VPS13B: variants seen among roughly 807,000 people sequenced by gnomAD.
The protein encoded by VPS13B is intermembrane lipid transfer protein VPS13B.
A neutral mutation model predicts 426.4 loss-of-function variants in VPS13B; 285 were observed. The ratio of observed to expected loss-of-function variants is 0.67; its 90% confidence interval spans 0.61 to 0.74. The LOEUF is 0.74. Ranked by LOEUF, VPS13B falls within the 30% of genes least tolerant of loss-of-function variation. VPS13B has a pLI of 0.00. For synonymous variants in VPS13B, 1,676 were observed against 1,676.4 expected (o/e 1.00, Z 0.01); for missense variants, 4,537 against 4,782.6 (o/e 0.95, Z 1.51).
intron 35 of VPS13B, among the ~76,000 whole-genome samples, chr8:99,678,815 A>G (rs555316705): frequency 6.6e-6 from 1 of 152,318 alleles, no homozygotes; most frequent in South Asian, 2.1e-4. Context: ...AGTATTGCTC[A>G]TTCAAAAAAG....
intron 19 of VPS13B, among the ~76,000 whole-genome samples, chr8:99,375,815 T>C (rs1813453285): frequency 6.6e-6 from 1 of 152,242 alleles, no homozygotes; most frequent in African/African-American, 2.4e-5. Flanking sequence ...AATAGTGAGT[T>C]TTAACAACTT....
At chr8:99,014,072 G>C in intron 2 of VPS13B, 137 bp downstream of exon 2, 1 of 916,592 alleles carries the variant, frequency 1.1e-6, no homozygotes, top group Non-Finnish European at 1.7e-6. Flanking sequence ...CCTGAAACAA[G>C]GGGGCTTTAT....
At chr8:99,148,516 A>G (rs1810873566) in intron 14 of VPS13B, among the ~76,000 whole-genome samples, 1 of 152,156 alleles carries the variant, frequency 6.6e-6, no homozygotes, top group Non-Finnish European at 1.5e-5. Context: ...TAATCTTGAG[A>G]GTGTATAAAG....
chr8:99,227,308 G>A (rs1300465606), intron 17 of VPS13B, among the ~76,000 whole-genome samples: 3 of 152,038 alleles, frequency 2.0e-5, no homozygotes, highest in Non-Finnish European at 4.4e-5. Flanking sequence ...AAATCGATTT[G>A]TCAAGAACTC....
intron 56 of VPS13B, among the ~76,000 whole-genome samples, chr8:99,855,356 G>A (rs183588014): frequency 2.2e-4 from 34 of 152,218 alleles, no homozygotes; most frequent in East Asian, 1.5e-3. Context: ...CACTCCAGCC[G>A]GGGTGACAGA....
rs766342520 is a variant in VPS13B, at chr8:99,835,147, T to C, written c.9615-50T>C. On this transcript the variant is annotated intron_variant, in intron 52 of 61. Coordinates refer to ENST00000357162, the MANE Select transcript of VPS13B (RefSeq NM_152564.5). ...TAAACATGTTCCAGAGGAGAGAGCA[T>C]TCATTTTTTTTCCTAAACATTTCTG... 1.9e-6 allele frequency: 3 copies of C among 1,612,606 alleles called. No individual in the cohort carries two copies. In the South Asian group the frequency reaches 3.3e-5, roughly 18 times the overall value.
At chr8:99,056,798 T>G (rs1022627330) in intron 3 of VPS13B, among the ~76,000 whole-genome samples, 1 of 152,206 alleles carries the variant, frequency 6.6e-6, no homozygotes, top group South Asian at 2.1e-4. Flanking sequence ...GCCTTAAACA[T>G]GTAGATGAAT....
At chr8:99,067,864 T>G (rs1040335151) in intron 3 of VPS13B, among the ~76,000 whole-genome samples, 1 of 152,222 alleles carries the variant, frequency 6.6e-6, no homozygotes, top group Non-Finnish European at 1.5e-5. Flanking sequence ...TTCTTATACA[T>G]TGAATACTCT....
chr8:99,117,807 A>C (rs959432074), intron 7 of VPS13B, among the ~76,000 whole-genome samples: 22 of 152,254 alleles, frequency 1.4e-4, no homozygotes, highest in African/African-American at 4.8e-4. Context: ...ACTGCAAATA[A>C]ATAGGTTTCT....
intron 61 of VPS13B, 144 bp downstream of exon 61, chr8:99,871,841 AGT>A: frequency 6.7e-7 from 1 of 1,483,634 alleles, no homozygotes; most frequent in East Asian, 2.3e-5. Flanking sequence ...CAGAGGAGGA[AGT>A]GTAGAGGCCG....
At chr8:99,871,207 A>C (rs866352160) in intron 60 of VPS13B, 1 of 634,074 alleles carries the variant, frequency 1.6e-6, no homozygotes, top group Non-Finnish European at 2.7e-6. Context: ...GCTATTTCTA[A>C]TGGGGAGAAA....
intron 17 of VPS13B, among the ~76,000 whole-genome samples, chr8:99,258,567 G>A (rs1817878791): frequency 6.6e-6 from 1 of 151,804 alleles, no homozygotes; most frequent in South Asian, 2.1e-4. Context: ...TTTTATCTCA[G>A]CTTTTATCAC....
intron 35 of VPS13B, among the ~76,000 whole-genome samples, chr8:99,664,233 C>T (rs1830360721): frequency 6.6e-6 from 1 of 151,858 alleles, no homozygotes; most frequent in African/African-American, 2.4e-5. Context: ...TCTCTAACTC[C>T]TGACCACATG....
At chr8:99,405,303 G>A (rs1249729024) in intron 21 of VPS13B, among the ~76,000 whole-genome samples, 1 of 152,018 alleles carries the variant, frequency 6.6e-6, no homozygotes, top group African/African-American at 2.4e-5. Flanking sequence ...ATACAACTGT[G>A]TACCTTTCCC....
At chr8:99,242,837 A>T (rs1817007035) in intron 17 of VPS13B, among the ~76,000 whole-genome samples, 1 of 152,172 alleles carries the variant, frequency 6.6e-6, no homozygotes, top group Non-Finnish European at 1.5e-5. Context: ...TGCCTTTACA[A>T]ATTTAAATAG....
chr8:99,770,822 G>A (rs1418610051), intron 40 of VPS13B, among the ~76,000 whole-genome samples: 1 of 152,188 alleles, frequency 6.6e-6, no homozygotes, highest in Non-Finnish European at 1.5e-5. Flanking sequence ...CAAAGAAGAA[G>A]GTGGGGAATG....
intron 34 of VPS13B, among the ~76,000 whole-genome samples, chr8:99,648,998 ATTCTGGGTTGACATGTC>A (rs1251256411): frequency 1.3e-5 from 2 of 151,322 alleles, no homozygotes; most frequent in Admixed American, 6.6e-5. Flanking sequence ...TGGATGTAAA[ATTCTGGGTTGACATGTC>A]TTCTAGCACT....
intron 19 of VPS13B, among the ~76,000 whole-genome samples, chr8:99,323,157 G>A (rs546721550): frequency 9.2e-5 from 14 of 152,232 alleles, no homozygotes; most frequent in African/African-American, 3.1e-4. Flanking sequence ...TAATAGATAC[G>A]TGTTCACTGA....
chr8:99,052,825 G>A (rs1475911101), intron 3 of VPS13B, among the ~76,000 whole-genome samples: 1 of 152,220 alleles, frequency 6.6e-6, no homozygotes, highest in East Asian at 1.9e-4. Flanking sequence ...GCATAGAGAT[G>A]TTTGTAGTAT....
Sources: allele counts gnomAD v4.1 joint callset (sites outside exome capture counted in the v4.1 genomes callset), GRCh38; gene constraint gnomAD v4.1.1; transcripts MANE v1.5; gene names NCBI Gene and HGNC (gene_info 2026-07-23, HGNC 2026-07-21).